TASP1: variants seen among roughly 807,000 people sequenced by gnomAD.
The protein encoded by TASP1 is threonine aspartase 1.
TASP1 carries 16 observed loss-of-function variants against 56.6 expected under a neutral mutation model. The ratio of observed to expected loss-of-function variants is 0.28; its 90% CI spans 0.19 to 0.43. The LOEUF is 0.43. TASP1 is among the 20% of genes least tolerant of loss of function. The pLI is 1.00. For synonymous variants in TASP1, 179 were observed against 184.2 expected (o/e 0.97, Z 0.23); for missense variants, 393 against 511.6 (o/e 0.77, Z 2.24).
the TASP1 span, among the ~76,000 whole-genome samples, chr20:13,155,877 G>T: frequency 6.6e-6 from 1 of 152,168 alleles, no homozygotes; most frequent in Non-Finnish European, 1.5e-5. Context: ...ATTCCCACCA[G>T]TTGGCCCTTT....
intron 10 of TASP1, among the ~76,000 whole-genome samples, chr20:13,490,885 TA>T (rs1312964821): frequency 6.6e-6 from 1 of 152,134 alleles, no homozygotes; most frequent in Non-Finnish European, 1.5e-5. Flanking sequence ...AAAAATCACA[TA>T]AAGCATTTAG....
the TASP1 span, among the ~76,000 whole-genome samples, chr20:13,136,797 C>T: frequency 1.3e-5 from 2 of 150,036 alleles, no homozygotes; most frequent in Admixed American, 1.3e-4. Context: ...AATATTTTCT[C>T]TTTTTAATGT....
At chr20:13,150,426 A>ATTTAGAAT in the TASP1 span, among the ~76,000 whole-genome samples, 1 of 152,176 alleles carries the variant, frequency 6.6e-6, no homozygotes, top group Non-Finnish European at 1.5e-5. Flanking sequence ...CACATTGCAG[A>ATTTAGAAT]TTTAGAATTG....
chr20:13,507,536 A>T (rs1207309257), intron 10 of TASP1, among the ~76,000 whole-genome samples: 2 of 152,132 alleles, frequency 1.3e-5, no homozygotes, highest in African/African-American at 4.8e-5. Context: ...TCTCAAAAGA[A>T]AAAAACAAAA....
At chr20:13,151,819 G>GT in the TASP1 span, among the ~76,000 whole-genome samples, 1 of 152,062 alleles carries the variant, frequency 6.6e-6, no homozygotes, top group Admixed American at 6.5e-5. Context: ...TCTACACCTG[G>GT]TTCACCTTCA....
At chr20:13,210,946 G>A in the TASP1 span, among the ~76,000 whole-genome samples, 1 of 152,126 alleles carries the variant, frequency 6.6e-6, no homozygotes, top group Non-Finnish European at 1.5e-5. Context: ...GATTGGTATA[G>A]TTAGGCCAAG....
rs75832713 is a variant in TASP1, at chr20:13,517,489, C to T, written c.874+10944G>A. Among the ~76,000 whole-genome samples the T allele has an allele frequency of 8.0e-3, 1,212 of 152,022 alleles. 20 individuals carry two copies. The highest frequency in any genetic ancestry group is 0.027 in the African/African-American group (1,132 of 41,486). On this transcript the variant is annotated intron_variant, in intron 10 of 13. Transcript: ENST00000337743. ...TACAATACAAGCTAAGCAGTATTTC[C>T]GCTTTTGTTTAATGGCAAAAATCCA...
At chr20:13,371,711 T>C in the TASP1 span, among the ~76,000 whole-genome samples, 1 of 152,316 alleles carries the variant, frequency 6.6e-6, no homozygotes, top group South Asian at 2.1e-4. Context: ...GTTGATCTTA[T>C]GCCTCATTAT....
chr20:13,136,958 A>G, the TASP1 span, among the ~76,000 whole-genome samples: 1 of 152,082 alleles, frequency 6.6e-6, no homozygotes, highest in African/African-American at 2.4e-5. Context: ...TACTTTCCAT[A>G]GGAAGAAAAA....
intron 12 of TASP1, among the ~76,000 whole-genome samples, chr20:13,417,908 G>A (rs1367329695): frequency 6.6e-6 from 1 of 152,014 alleles, no homozygotes; most frequent in Non-Finnish European, 1.5e-5. Flanking sequence ...ACACACACCA[G>A]GTCTTAATTT....
chr20:13,619,870 A>C (rs1226929510), intron 4 of TASP1, among the ~76,000 whole-genome samples: 1 of 152,242 alleles, frequency 6.6e-6, no homozygotes, highest in East Asian at 1.9e-4. Flanking sequence ...ATTTACCAAT[A>C]AATCATTAAA....
At chr20:13,354,074 C>T in the TASP1 span, among the ~76,000 whole-genome samples, 1 of 152,070 alleles carries the variant, frequency 6.6e-6, no homozygotes, top group African/African-American at 2.4e-5. Context: ...GAAAAAAACT[C>T]ATCAATTTTT....
intron 8 of TASP1, among the ~76,000 whole-genome samples, chr20:13,548,041 G>C (rs571021709): frequency 1.7e-4 from 26 of 152,260 alleles, no homozygotes; most frequent in Non-Finnish European, 3.7e-4. Context: ...GGAATCACAG[G>C]TGTGAAGACC....
chr20:13,457,149 A>G (rs2043873520), intron 11 of TASP1, among the ~76,000 whole-genome samples: 1 of 152,122 alleles, frequency 6.6e-6, no homozygotes, highest in Non-Finnish European at 1.5e-5. Context: ...GAGGGATAGC[A>G]TTAGGAGAAA....
At chr20:13,488,421 CA>C (rs202190632) in intron 10 of TASP1, among the ~76,000 whole-genome samples, 7 of 151,500 alleles carry the variant, frequency 4.6e-5, no homozygotes, top group East Asian at 1.9e-4. Context: ...GATGCTATGG[CA>C]AAAAAAACAA....
intron 12 of TASP1, among the ~76,000 whole-genome samples, chr20:13,421,953 C>CTTATTTTTTTTTTT (rs1246920761): frequency 8.6e-5 from 12 of 139,038 alleles, no homozygotes; most frequent in African/African-American, 2.4e-4. Context: ...TCTGTTTAAC[C>CTTATTTTTTTTTTT]TTTTTTTTTT....
At chr20:13,109,331 T>C in the TASP1 span, among the ~76,000 whole-genome samples, 2 of 152,230 alleles carry the variant, frequency 1.3e-5, no homozygotes, top group Non-Finnish European at 2.9e-5. Context: ...AAGGGTAGTG[T>C]TACAAATGTG....
intron 10 of TASP1, among the ~76,000 whole-genome samples, chr20:13,525,139 G>A (rs971441574): frequency 6.6e-6 from 1 of 152,172 alleles, no homozygotes; most frequent in Non-Finnish European, 1.5e-5. Context: ...TGGTGCATCT[G>A]ATAAAGGATG....
chr20:13,375,712 C>T, the TASP1 span, among the ~76,000 whole-genome samples: 4 of 152,272 alleles, frequency 2.6e-5, no homozygotes, highest in South Asian at 4.2e-4. Flanking sequence ...AGTGTAAAAG[C>T]GTTCCTAATT....
Sources: gnomAD v4.1 joint callset for allele counts (sites outside exome capture counted in the v4.1 genomes callset) on GRCh38, gnomAD v4.1.1 for gene constraint, MANE v1.5 for transcripts, NCBI Gene and HGNC (gene_info 2026-07-23, HGNC 2026-07-21) for gene names.